CLPTM1: variants seen among roughly 807,000 people sequenced by gnomAD.
CLPTM1 encodes putative lipid scramblase CLPTM1.
CLPTM1 carries 21 observed loss-of-function variants against 77.3 expected under a neutral mutation model. The ratio of observed to expected loss-of-function variants is 0.27; its 90% CI spans 0.19 to 0.39. The LOEUF (loss-of-function observed/expected upper bound fraction) is 0.39. Among genes scored for constraint, CLPTM1 ranks in the 10% least tolerant of loss-of-function variants. The pLI is 1.00. For missense variants in CLPTM1, 642 were observed against 921.2 expected (o/e 0.70, Z 3.92); for synonymous variants, 373 against 381.0 (o/e 0.98, Z 0.24).
At position 44,986,436 on chromosome 19, in the gene CLPTM1, TC is replaced by T; in HGVS notation, c.673-13del. Reference sequence around the variant, plus strand: ...CACTTCCACCTGCCTCTGAGGTCCTTCCCCCCATGTTGCCTCAGAGGGCTGA... The same window carrying T: ...CACTTCCACCTGCCTCTGAGGTCCTTCCCCCATGTTGCCTCAGAGGGCTGA... On this transcript the variant is annotated intron_variant, in intron 6 of 13. Coordinates refer to ENST00000337392, the MANE Select transcript of CLPTM1 (RefSeq NM_001294.4). 6.2e-7 allele frequency: 1 copy of T among 1,612,436 alleles called. No homozygotes were observed. The highest frequency in any genetic ancestry group is 2.2e-5 in the East Asian group (1 of 44,852).
intron 1 of CLPTM1, 70 bp downstream of exon 1, chr19:44,955,537 C>T (rs563017332): frequency 1.5e-5 from 19 of 1,228,520 alleles, no homozygotes; most frequent in Admixed American, 8.3e-5. Flanking sequence ...GCGTGTCCTA[C>T]CTCTTGTCAC....
At chr19:44,980,870 C>T (rs1036199282) in intron 5 of CLPTM1, among the ~76,000 whole-genome samples, 5 of 151,624 alleles carry the variant, frequency 3.3e-5, no homozygotes, top group African/African-American at 1.2e-4. Context: ...TGAAGTCTTG[C>T]TCTGTTGCCC....
chr19:44,984,847 C>T (rs1048954414), intron 5 of CLPTM1, among the ~76,000 whole-genome samples: 2 of 152,042 alleles, frequency 1.3e-5, no homozygotes, highest in South Asian at 2.1e-4. Flanking sequence ...CCACCACATC[C>T]GGCTGATTTT....
At position 44,986,439 on chromosome 19, in the gene CLPTM1, C is replaced by G. The variant is rs550032684; in HGVS notation, c.673-16C>G. Reference sequence around the variant, plus strand: ...TTCCACCTGCCTCTGAGGTCCTTCCCCCCATGTTGCCTCAGAGGGCTGAGG... The same window carrying G: ...TTCCACCTGCCTCTGAGGTCCTTCCGCCCATGTTGCCTCAGAGGGCTGAGG... On this transcript the variant is annotated splice_polypyrimidine_tract_variant and intron_variant, in intron 6 of 13. Coordinates refer to ENST00000337392, the MANE Select transcript of CLPTM1 (RefSeq NM_001294.4). The G allele has an allele frequency of 6.2e-7, 1 of 1,613,060 alleles. No individual in the cohort carries two copies. The highest frequency in any genetic ancestry group is 2.2e-5 in the East Asian group (1 of 44,880).
intron 7 of CLPTM1, 141 bp from the exon 8 acceptor site, chr19:44,987,038 C>A: frequency 8.8e-7 from 1 of 1,140,120 alleles, no homozygotes; most frequent in Non-Finnish European, 1.2e-6. Context: ...CCCTTTAGCT[C>A]CTCATGGTGT....
Position 44,987,844 on chromosome 19 carries a change from C to A in CLPTM1, c.1039-236C>A, listed in dbSNP as rs558168526. On this transcript the variant is annotated intron_variant, in intron 8 of 13. Coordinates refer to ENST00000337392, the MANE Select transcript of CLPTM1 (RefSeq NM_001294.4). ...GGCTCCCAGTGTCCCTTCACCCACT[C>A]CCCGCAGCACTCCCTTGGCCTCTGC... 6 of 588,242 alleles carry A rather than the reference C, an allele frequency of 1.0e-5. No individual in the cohort carries two copies. The East Asian group carries it at 1.7e-4, about 17-fold the overall frequency. The allele number at this position is 588,242 out of a possible 1,614,324, so 36.4% of individuals were successfully genotyped here.
chr19:44,973,901 T>G (rs1273588691), intron 3 of CLPTM1, among the ~76,000 whole-genome samples: 6 of 151,840 alleles, frequency 4.0e-5, no homozygotes, highest in Non-Finnish European at 8.8e-5. Context: ...CTAGCTGGGA[T>G]TACAGGCATG....
intron 5 of CLPTM1, among the ~76,000 whole-genome samples, chr19:44,982,461 G>A (rs1480746394): frequency 3.9e-5 from 6 of 152,180 alleles, no homozygotes; most frequent in Admixed American, 2.0e-4. Context: ...GATACTGGAT[G>A]GTGCAGCTCT....
At chr19:44,964,145 C>A (rs191223224) in intron 2 of CLPTM1, among the ~76,000 whole-genome samples, 1 of 151,410 alleles carries the variant, frequency 6.6e-6, no homozygotes, top group East Asian at 1.9e-4. Flanking sequence ...GAGACCTTAT[C>A]GCAAAAAAAA....
chr19:44,980,567 C>T (rs1164876467), intron 5 of CLPTM1, among the ~76,000 whole-genome samples: 1 of 148,494 alleles, frequency 6.7e-6, no homozygotes, highest in Non-Finnish European at 1.5e-5. Context: ...GGCCAATAAT[C>T]AGTATTCTAG....
In CLPTM1 at chr19:44,986,348, CAA is replaced by C; in HGVS notation, c.673-105_673-104del. The C allele has an allele frequency of 3.5e-6, 5 of 1,421,698 alleles. No individual in the cohort carries two copies. The South Asian group carries it at 6.8e-5, about 19-fold the overall frequency. The allele number at this position is 1,421,698 out of a possible 1,614,324, so 88.1% of individuals were successfully genotyped here. ...ACCCCATCTCAGAAAAAAAAGAAAGCAAAGATTAAGATTTTCTCGGGAACCCT... is the reference window on the plus strand; with the variant it reads ...ACCCCATCTCAGAAAAAAAAGAAAGCAGATTAAGATTTTCTCGGGAACCCT... On this transcript the variant is annotated intron_variant, in intron 6 of 13. Coordinates refer to ENST00000337392, the MANE Select transcript of CLPTM1 (RefSeq NM_001294.4).
At chr19:44,965,798 C>T (rs915828470) in intron 2 of CLPTM1, among the ~76,000 whole-genome samples, 4 of 152,166 alleles carry the variant, frequency 2.6e-5, no homozygotes, top group South Asian at 4.1e-4. Context: ...TAGGCGACAG[C>T]GAGACTCCGT....
chr19:44,957,055 A>G (rs1309054135), intron 1 of CLPTM1, among the ~76,000 whole-genome samples: 2 of 152,196 alleles, frequency 1.3e-5, no homozygotes, highest in Admixed American at 6.5e-5. Context: ...TGTGACAACC[A>G]TATATGTCTC....
chr19:44,970,405 T>TC (rs1970699524), intron 2 of CLPTM1, among the ~76,000 whole-genome samples: 1 of 143,872 alleles, frequency 7.0e-6, no homozygotes, highest in Non-Finnish European at 1.5e-5. Flanking sequence ...CTAGCATTTT[T>TC]TTTTTTTTTT....
intron 3 of CLPTM1, among the ~76,000 whole-genome samples, chr19:44,973,775 T>TTTTTG (rs1970761882): frequency 1.4e-5 from 2 of 145,664 alleles, no homozygotes; most frequent in Non-Finnish European, 3.0e-5. Context: ...TTTTTTTTTT[T>TTTTTG]TTTTTTGAGA....
intron 5 of CLPTM1, chr19:44,984,743 A>G (rs1379511730): frequency 6.5e-6 from 1 of 154,102 alleles, no homozygotes; most frequent in African/African-American, 2.4e-5. Context: ...CTGGAGTGCA[A>G]CAGTGCGATC....
At position 44,992,668 on chromosome 19, in the gene CLPTM1, G is replaced by A. The variant is rs1971096427; in HGVS notation, c.1781G>A (p.Arg594Gln). The A allele has an allele frequency of 3.1e-6, 5 of 1,613,876 alleles. No homozygotes were observed. Among genetic ancestry groups the A allele is most frequent in the Non-Finnish European group, 3.4e-6 (4 of 1,179,926 alleles). ...TGGATCTACCGCGTCGACCCCACCC[G>A]AGTCAACGAGTTTGGCATGAGTGGA... ...QRWIYRVDPT[R>Q]VNEFGMSGED... is the part of the protein sequence containing the mutation. The change falls in exon 14 of 14, where the codon CGA (arginine) becomes CAA (glutamine). Residue 594 changes from arginine (R) to glutamine (Q), a missense_variant. Coordinates refer to ENST00000337392, the MANE Select transcript of CLPTM1 (RefSeq NM_001294.4). The surrounding 1 kb of genome is among the most constrained non-coding windows in gnomAD (Gnocchi z 7.7).
At chr19:44,956,745 C>G (rs556807513) in intron 1 of CLPTM1, among the ~76,000 whole-genome samples, 21 of 152,268 alleles carry the variant, frequency 1.4e-4, no homozygotes, top group African/African-American at 4.3e-4. Flanking sequence ...CCAGGTTGTT[C>G]TCATTGCCCT....
At chr19:44,976,503 G>A (rs1187207218) in intron 4 of CLPTM1, among the ~76,000 whole-genome samples, 1 of 152,196 alleles carries the variant, frequency 6.6e-6, no homozygotes, top group African/African-American at 2.4e-5. Context: ...CTCTAAAAAA[G>A]ATAGGGAGAG....
Sources: gnomAD v4.1 joint callset for allele counts (sites outside exome capture counted in the v4.1 genomes callset) on GRCh38, gnomAD v4.1.1 for gene constraint, Gnocchi (gnomAD v3.1) non-coding constraint, MANE v1.5 for transcripts, NCBI Gene and HGNC (gene_info 2026-07-23, HGNC 2026-07-21) for gene names.